EIF3J: variants seen among roughly 807,000 people sequenced by gnomAD.
The protein encoded by EIF3J is eukaryotic translation initiation factor 3, subunit 1 (alpha, 35kD).
A neutral mutation model predicts 39.0 loss-of-function variants in EIF3J; 15 were observed. That is an observed-to-expected ratio of 0.38 (90% CI 0.26 to 0.59). The LOEUF (loss-of-function observed/expected upper bound fraction) is 0.59. EIF3J is among the 20% of genes least tolerant of loss of function. The pLI is 0.60. For synonymous variants in EIF3J, 98 were observed against 112.9 expected, an observed-to-expected ratio of 0.87 and a Z score of 0.84; for missense variants, 226 against 308.6, an observed-to-expected ratio of 0.73 and a Z score of 2.00.
At position 44,552,270 on chromosome 15, in the gene EIF3J, CAG is replaced by C. The variant is rs1024981656; in HGVS notation, c.294+751_294+752del. Among the ~76,000 whole-genome samples, 659 of 151,880 alleles carry C rather than the reference CAG, an allele frequency of 4.3e-3. 4 individuals carry two copies. The highest frequency in any genetic ancestry group is 0.015 in the African/African-American group (635 of 41,432). On this transcript the variant is annotated intron_variant, in intron 4 of 7. Transcript: ENST00000261868. ...GTTTTTTTTTGTTTTTGTTTTTAGA[CAG>C]AGTCTCACTCCGTTACCTAGGCTGG...
intron 2 of EIF3J, among the ~76,000 whole-genome samples, chr15:44,540,720 C>T (rs376489616): frequency 6.6e-6 from 1 of 152,136 alleles, no homozygotes; most frequent in Non-Finnish European, 1.5e-5. Flanking sequence ...GGATTATGGG[C>T]GTGAGCCAGC....
At position 44,562,599 on chromosome 15, in the gene EIF3J, G is replaced by A. The variant is rs2082214907; in HGVS notation, c.*1450G>A. 1 of 153,658 alleles carries A rather than the reference G, an allele frequency of 6.5e-6. No homozygotes were observed. The highest frequency in any genetic ancestry group is 2.4e-5 in the African/African-American group (1 of 41,440). The allele number at this position is 153,658 out of a possible 1,614,324, so 9.5% of individuals were successfully genotyped here. On this transcript the variant is annotated 3_prime_UTR_variant, in exon 8 of 8. Transcript: ENST00000261868. ...TAAGTGATTTGAGAAATTAACAAAA[G>A]TAGTGACTACACAGCAATAATTACA... is the stretch of plus-strand genomic sequence containing the variant.
chr15:44,559,844 G>A (rs2082177342), intron 6 of EIF3J, among the ~76,000 whole-genome samples: 1 of 152,200 alleles, frequency 6.6e-6, no homozygotes, highest in Non-Finnish European at 1.5e-5. Flanking sequence ...AGGGAGCATT[G>A]TGAGCTATAA....
At chr15:44,553,036 A>T (rs1349771734) in intron 4 of EIF3J, among the ~76,000 whole-genome samples, 1 of 151,966 alleles carries the variant, frequency 6.6e-6, no homozygotes, top group African/African-American at 2.4e-5. Flanking sequence ...AAATAGAAAA[A>T]TAAGCTGGGC....
chr15:44,541,160 G>A (rs2082011734), intron 2 of EIF3J, among the ~76,000 whole-genome samples: 1 of 152,206 alleles, frequency 6.6e-6, no homozygotes, highest in South Asian at 2.1e-4. Context: ...GTTGTGCAGA[G>A]GTAGTGGGAA....
chr15:44,547,977 G>GTCCTAACT (rs1204873202), intron 2 of EIF3J, among the ~76,000 whole-genome samples: 10 of 152,116 alleles, frequency 6.6e-5, no homozygotes, highest in African/African-American at 2.4e-4. Flanking sequence ...AACTGCTAAT[G>GTCCTAACT]GAGAAGCTTT....
chr15:44,555,125 T>C (rs1020601567), intron 5 of EIF3J, among the ~76,000 whole-genome samples: 2 of 152,174 alleles, frequency 1.3e-5, no homozygotes, highest in African/African-American at 2.4e-5. Flanking sequence ...TCTTTGCCCT[T>C]ACCATGCCCT....
At chr15:44,556,187 G>A (rs2082142993) in intron 5 of EIF3J, among the ~76,000 whole-genome samples, 1 of 151,926 alleles carries the variant, frequency 6.6e-6, no homozygotes, top group African/African-American at 2.4e-5. Context: ...TCTTCTATTG[G>A]GATTTAACAT....
intron 4 of EIF3J, among the ~76,000 whole-genome samples, chr15:44,552,734 A>C (rs1418712613): frequency 6.6e-6 from 1 of 151,660 alleles, no homozygotes; most frequent in Non-Finnish European, 1.5e-5. Context: ...CTAATTTTGT[A>C]TTATCAGTAG....
intron 2 of EIF3J, among the ~76,000 whole-genome samples, chr15:44,546,794 A>G (rs991666019): frequency 8.7e-5 from 13 of 149,514 alleles, no homozygotes; most frequent in Admixed American, 6.0e-4. Flanking sequence ...TGAGTTAGGC[A>G]TAGAAAAAAC....
At chr15:44,557,923 C>T (rs1002928482) in intron 6 of EIF3J, 2 of 210,504 alleles carry the variant, frequency 9.5e-6, no homozygotes, top group African/African-American at 2.3e-5. Flanking sequence ...TAATAAAACA[C>T]TGGCCTATTC....
At chr15:44,555,107 G>A (rs572107164) in intron 5 of EIF3J, among the ~76,000 whole-genome samples, 111 of 152,258 alleles carry the variant, frequency 7.3e-4, no homozygotes, top group African/African-American at 2.6e-3. Context: ...ATTTCCTTCT[G>A]CAACCCTTCT....
chr15:44,545,297 T>G (rs1324987084), intron 2 of EIF3J, among the ~76,000 whole-genome samples: 1 of 152,208 alleles, frequency 6.6e-6, no homozygotes, highest in Non-Finnish European at 1.5e-5. Context: ...GACTGTGAAT[T>G]TTGTAAGCAA....
At chr15:44,559,417 AAAAAT>A (rs1053467753) in intron 6 of EIF3J, among the ~76,000 whole-genome samples, 3 of 151,272 alleles carry the variant, frequency 2.0e-5, no homozygotes, top group Non-Finnish European at 4.4e-5. Flanking sequence ...TCTCAAAAAA[AAAAAT>A]AAAATAGGCC....
chr15:44,560,893 G>A, intron 7 of EIF3J, 125 bp from the exon 8 acceptor site: 3 of 1,304,142 alleles, frequency 2.3e-6, no homozygotes, highest in Non-Finnish European at 3.1e-6. Context: ...AGGCTCGGAT[G>A]TCCCTTACAG....
intron 2 of EIF3J, among the ~76,000 whole-genome samples, chr15:44,539,737 T>TC (rs1595797058): frequency 6.7e-6 from 1 of 149,870 alleles, no homozygotes. Context: ...TTTTTCTTTT[T>TC]TTTTTTTTTT....
At chr15:44,549,392 AAAAAC>A (rs372596724) in intron 2 of EIF3J, among the ~76,000 whole-genome samples, 429 of 152,192 alleles carry the variant, frequency 2.8e-3, no homozygotes, top group African/African-American at 3.2e-3. Context: ...ACTCCAACTC[AAAAAC>A]AAAACAAAAC....
At position 44,537,398 on chromosome 15, in the gene EIF3J, G is replaced by C; in HGVS notation, c.118G>C (p.Glu40Gln). ...GGGTAGGDRW[E>Q]GEDEDEDVKD... ...CGGCACTGCCGGCGGGGACCGCTGG[G>C]AAGGCGAGGACGAGGACGAGGACGT... Residue 40 changes from glutamate to glutamine, a missense_variant, in exon 2 of 8, where the codon GAA (glutamate) becomes CAA (glutamine). Around this residue, in one of 2 missense-constraint regions of EIF3J, gnomAD observed 143 missense variants for 156.0 expected, o/e 0.92. Coordinates refer to ENST00000261868, the MANE Select transcript of EIF3J (RefSeq NM_003758.4). 1 of 1,562,668 alleles carries C rather than the reference G, an allele frequency of 6.4e-7. No homozygotes were observed. The highest frequency in any genetic ancestry group is 8.7e-7 in the Non-Finnish European group (1 of 1,153,270).
At chr15:44,559,688 CAG>C (rs1298483389) in intron 6 of EIF3J, among the ~76,000 whole-genome samples, 2 of 147,986 alleles carry the variant, frequency 1.4e-5, no homozygotes, top group Non-Finnish European at 3.0e-5. Flanking sequence ...ACCTGGGTGA[CAG>C]AGTGAGACTC....
Sources: gnomAD v4.1 joint callset for allele counts (sites outside exome capture counted in the v4.1 genomes callset) on GRCh38, gnomAD v4.1.1 for gene constraint, gnomAD v4.1.1 regional missense constraint, MANE v1.5 for transcripts, NCBI Gene and HGNC (gene_info 2026-07-23, HGNC 2026-07-21) for gene names.